Variants in SGMS1 observed in about 807,000 individuals in gnomAD.
SGMS1 encodes sphingomyelin synthase 1.
SGMS1 carries 13 observed loss-of-function variants against 46.2 expected under a neutral mutation model. The observed-to-expected ratio is 0.28, with a 90% CI of 0.18 to 0.45. The LOEUF (loss-of-function observed/expected upper bound fraction) is 0.45, where lower values mean the gene tolerates loss of function less well. Among genes scored for constraint, SGMS1 ranks in the 20% least tolerant of loss-of-function variants. The pLI is 1.00. For missense variants in SGMS1, 324 were observed against 519.9 expected (o/e 0.62, Z 3.66); for synonymous variants, 203 against 187.8 (o/e 1.08, Z -0.66).
chr10:50,360,309 A>AG (rs762430374), intron 6 of SGMS1, among the ~76,000 whole-genome samples: 6 of 152,214 alleles, frequency 3.9e-5, no homozygotes, highest in Non-Finnish European at 7.3e-5. Context: ...ATCATTCCAG[A>AG]GGGAAAACAA....
At chr10:50,350,043 G>A (rs1408128101) in intron 6 of SGMS1, among the ~76,000 whole-genome samples, 1 of 152,230 alleles carries the variant, frequency 6.6e-6, no homozygotes, top group Non-Finnish European at 1.5e-5. Context: ...ACTTCCTAGA[G>A]ACTTGTTGAA....
intron 6 of SGMS1, among the ~76,000 whole-genome samples, chr10:50,350,678 A>G (rs1018783965): frequency 1.3e-5 from 2 of 152,216 alleles, no homozygotes; most frequent in African/African-American, 4.8e-5. Flanking sequence ...CAGAGGGTGG[A>G]AGCCCCAAGC....
At chr10:50,581,939 T>C (rs971738232) in intron 2 of SGMS1, among the ~76,000 whole-genome samples, 4 of 152,192 alleles carry the variant, frequency 2.6e-5, no homozygotes, top group African/African-American at 9.7e-5. Flanking sequence ...CCATGATCCA[T>C]TTATGAAATA....
At chr10:50,443,540 A>G (rs1849571902) in intron 5 of SGMS1, among the ~76,000 whole-genome samples, 1 of 152,150 alleles carries the variant, frequency 6.6e-6, no homozygotes, top group Non-Finnish European at 1.5e-5. Context: ...CTAGAATTCT[A>G]TATACAACAA....
intron 5 of SGMS1, among the ~76,000 whole-genome samples, chr10:50,452,314 A>T (rs545603699): frequency 6.6e-6 from 1 of 152,292 alleles, no homozygotes; most frequent in African/African-American, 2.4e-5. Context: ...CTGACTGTGT[A>T]TAGCAGACAT....
At chr10:50,489,905 T>G (rs1017628737) in intron 3 of SGMS1, among the ~76,000 whole-genome samples, 1 of 151,906 alleles carries the variant, frequency 6.6e-6, no homozygotes, top group African/African-American at 2.4e-5. Flanking sequence ...ACCCAGGAGG[T>G]GGAGGTTGCA....
At chr10:50,573,790 T>C (rs1588881060) in intron 2 of SGMS1, among the ~76,000 whole-genome samples, 2 of 152,134 alleles carry the variant, frequency 1.3e-5, no homozygotes, top group South Asian at 4.1e-4. Context: ...GAAGCTACAG[T>C]AATGAAAACA....
At position 50,552,365 on chromosome 10, in the gene SGMS1, G is replaced by T. The variant is rs556860518; in HGVS notation, c.-588-32444C>A. Among the ~76,000 whole-genome samples, 3 of 152,242 alleles carry T rather than the reference G, an allele frequency of 2.0e-5. No homozygotes were observed. In the South Asian group the frequency reaches 6.2e-4, roughly 32 times the overall value. The stretch of plus-strand genomic sequence containing the variant: ...CCTAAGGCATCTTCAAGTATTTTTT[G>T]ATATGTAAGTAGACATACCCTTTAA... On this transcript the variant is annotated intron_variant, in intron 2 of 10. Coordinates refer to ENST00000361781, the MANE Select transcript of SGMS1 (RefSeq NM_147156.4).
chr10:50,344,282 G>T lies in SGMS1; in HGVS notation c.-168C>A. 4.0e-6 allele frequency: 3 copies of T among 747,570 alleles called. No homozygotes were observed. Among genetic ancestry groups the T allele is most frequent in the Non-Finnish European group, 6.2e-6 (3 of 481,588 alleles). The allele number at this position is 747,570 out of a possible 1,614,324, so 46.3% of individuals were successfully genotyped here. A position where few individuals can be genotyped will look rare whatever the true frequency, so the allele number is the denominator to read the frequency against. ...GGGCAGTTTTTAAACACCTCATGTA[G>T]CTGTCCAGGGTTCCTGAGCGCCCAA... is the stretch of plus-strand genomic sequence containing the variant. On this transcript the variant is annotated 5_prime_UTR_variant, in exon 7 of 11. Coordinates refer to ENST00000361781, the MANE Select transcript of SGMS1 (RefSeq NM_147156.4).
At chr10:50,464,036 G>C (rs1397320539) in intron 4 of SGMS1, among the ~76,000 whole-genome samples, 2 of 152,186 alleles carry the variant, frequency 1.3e-5, no homozygotes, top group Admixed American at 6.5e-5. Flanking sequence ...GGGCAGGCAG[G>C]ATAAAGGAGT....
chr10:50,602,137 A>G lies in SGMS1; in HGVS notation c.-683-11890T>C, dbSNP rs556776799. Among the ~76,000 whole-genome samples, 3 of 152,342 alleles carry G rather than the reference A, an allele frequency of 2.0e-5. No homozygotes were observed. The East Asian group carries it at 5.8e-4, about 29-fold the overall frequency. On this transcript the variant is annotated intron_variant, in intron 1 of 10. Coordinates refer to ENST00000361781, the MANE Select transcript of SGMS1 (RefSeq NM_147156.4). The stretch of plus-strand genomic sequence containing the variant: ...ATACTCGCCTCTGATAACAGAGTTC[A>G]GGTAACTCTGAATCACCTTGTTTTA...
intron 7 of SGMS1, among the ~76,000 whole-genome samples, chr10:50,333,230 A>AGG (rs1258277751): frequency 2.0e-5 from 3 of 152,192 alleles, no homozygotes; most frequent in Non-Finnish European, 4.4e-5. Flanking sequence ...TTTTAGTCCC[A>AGG]GGGAGACTTA....
intron 6 of SGMS1, among the ~76,000 whole-genome samples, chr10:50,405,252 T>C (rs935844601): frequency 6.6e-6 from 1 of 152,124 alleles, no homozygotes; most frequent in Non-Finnish European, 1.5e-5. Context: ...CCAGAAAATT[T>C]AAAGCATTTA....
intron 2 of SGMS1, among the ~76,000 whole-genome samples, chr10:50,523,277 G>C (rs1211916524): frequency 6.6e-6 from 1 of 152,132 alleles, no homozygotes; most frequent in Non-Finnish European, 1.5e-5. Flanking sequence ...TGCTCTACTG[G>C]GAAGGGTTAA....
chr10:50,361,772 C>G (rs1848253163), intron 6 of SGMS1, among the ~76,000 whole-genome samples: 1 of 152,202 alleles, frequency 6.6e-6, no homozygotes, highest in Non-Finnish European at 1.5e-5. Context: ...AGTTCATAAT[C>G]TGATCTCTTC....
intron 5 of SGMS1, among the ~76,000 whole-genome samples, chr10:50,454,623 A>T (rs909548550): frequency 6.6e-6 from 1 of 152,176 alleles, no homozygotes; most frequent in African/African-American, 2.4e-5. Context: ...TTTTCCCCTG[A>T]ATTAACTGGA....
Position 50,306,697 on chromosome 10 carries a change from A to C in SGMS1, c.*445T>G, listed in dbSNP as rs1847185774. On this transcript the variant is annotated 3_prime_UTR_variant, in exon 11 of 11. Coordinates refer to ENST00000361781, the MANE Select transcript of SGMS1 (RefSeq NM_147156.4). ...AATCAAACCCCATTCAGGTACTTAG[A>C]AACCTTCATAGAGACATTTGCTAGA... The C allele has an allele frequency of 6.5e-6, 1 of 153,230 alleles. No homozygotes were observed. Among genetic ancestry groups the C allele is most frequent in the African/African-American group, 2.4e-5 (1 of 41,470 alleles). The allele number at this position is 153,230 out of a possible 1,614,324, so 9.5% of individuals were successfully genotyped here. A position where few individuals can be genotyped will look rare whatever the true frequency, so the allele number is the denominator to read the frequency against.
chr10:50,578,578 T>C (rs1838405145), intron 2 of SGMS1, among the ~76,000 whole-genome samples: 1 of 152,172 alleles, frequency 6.6e-6, no homozygotes, highest in African/African-American at 2.4e-5. Context: ...AAAGCCAAGA[T>C]CTCTGCTGAG....
intron 6 of SGMS1, chr10:50,417,922 C>A (rs974446520): frequency 1.1e-4 from 17 of 152,256 alleles, no homozygotes; most frequent in Middle Eastern, 3.2e-3. Context: ...CCTATTTGAT[C>A]ATTAAAGCAG....
Sources: gnomAD v4.1 joint callset for allele counts (sites outside exome capture counted in the v4.1 genomes callset) on GRCh38, gnomAD v4.1.1 for gene constraint, MANE v1.5 for transcripts, NCBI Gene and HGNC (gene_info 2026-07-23, HGNC 2026-07-21) for gene names.